Variants in ZNF804B observed in about 807,000 individuals in gnomAD.
ZNF804B encodes zinc finger protein 804B, also known as zinc finger 804B.
A neutral mutation model predicts 101.4 loss-of-function variants in ZNF804B; 80 were observed. That is an observed-to-expected ratio of 0.79 (90% CI 0.66 to 0.95). The LOEUF is 0.95. ZNF804B is among the 40% of genes least tolerant of loss of function. ZNF804B has a pLI of 0.00. For synonymous variants in ZNF804B, 622 were observed against 558.8 expected (o/e 1.11, Z -1.59); for missense variants, 1,673 against 1,561.9 (o/e 1.07, Z -1.20).
At chr7:89,212,571 G>A (rs903090633) in intron 1 of ZNF804B, among the ~76,000 whole-genome samples, 1 of 152,120 alleles carries the variant, frequency 6.6e-6, no homozygotes, top group Non-Finnish European at 1.5e-5. Flanking sequence ...AGGTAAGTAC[G>A]CAGTGAAAGG....
At chr7:89,200,712 C>A (rs1180886566) in intron 1 of ZNF804B, among the ~76,000 whole-genome samples, 4 of 152,016 alleles carry the variant, frequency 2.6e-5, no homozygotes, top group African/African-American at 4.8e-5. Context: ...CTGAGGAAAT[C>A]ATTTATGGTT....
intron 1 of ZNF804B, among the ~76,000 whole-genome samples, chr7:89,163,847 C>T (rs1307094151): frequency 6.6e-6 from 1 of 150,732 alleles, no homozygotes; most frequent in Non-Finnish European, 1.5e-5. Context: ...ATCTATTTTC[C>T]TCTTCTCTCC....
intron 1 of ZNF804B, among the ~76,000 whole-genome samples, chr7:89,083,256 A>G (rs1174957543): frequency 6.6e-6 from 1 of 151,776 alleles, no homozygotes; most frequent in Non-Finnish European, 1.5e-5. Context: ...ACATACCTAC[A>G]CAGTATAATA....
intron 1 of ZNF804B, among the ~76,000 whole-genome samples, chr7:88,954,792 G>C (rs749153876): frequency 1.3e-5 from 2 of 151,678 alleles, no homozygotes; most frequent in Non-Finnish European, 2.9e-5. Flanking sequence ...AAAGGATGGA[G>C]TTTAAATTCT....
chr7:88,956,064 T>C (rs1350469462), intron 1 of ZNF804B, among the ~76,000 whole-genome samples: 2 of 151,596 alleles, frequency 1.3e-5, no homozygotes, highest in Non-Finnish European at 3.0e-5. Flanking sequence ...GAATGGCTAT[T>C]ATCAAAAAGA....
At chr7:89,263,515 C>T (rs1164218390) in intron 2 of ZNF804B, among the ~76,000 whole-genome samples, 1 of 151,624 alleles carries the variant, frequency 6.6e-6, no homozygotes, top group Non-Finnish European at 1.5e-5. Context: ...GTATTCAAGT[C>T]TGCTATGTTG....
At chr7:89,211,992 C>T (rs12704448) in intron 1 of ZNF804B, among the ~76,000 whole-genome samples, 18,076 of 151,996 alleles carry the variant, frequency 0.12, 1,145 homozygotes, top group Middle Eastern at 0.23. Context: ...AATGTTTTTC[C>T]ATTTGTTTGT....
At chr7:88,775,527 A>G (rs953384002) in intron 1 of ZNF804B, among the ~76,000 whole-genome samples, 3 of 152,240 alleles carry the variant, frequency 2.0e-5, no homozygotes, top group African/African-American at 4.8e-5. Context: ...ATGCCAAATG[A>G]GATAGGTAAC....
intron 2 of ZNF804B, among the ~76,000 whole-genome samples, chr7:89,283,295 A>T (rs968924759): frequency 6.6e-6 from 1 of 152,246 alleles, no homozygotes; most frequent in African/African-American, 2.4e-5. Flanking sequence ...ATTGAGAAGC[A>T]TTAAAAAAAG....
chr7:89,020,221 T>A lies in ZNF804B; in HGVS notation c.109-197934T>A, dbSNP rs545588702. Among the ~76,000 whole-genome samples, 3 of 152,290 alleles carry A rather than the reference T, an allele frequency of 2.0e-5. No homozygotes were observed. In the East Asian group the frequency reaches 5.8e-4, roughly 29 times the overall value. The stretch of plus-strand genomic sequence containing the variant: ...TTTGCTTCCAGATGCAGGACTCTCT[T>A]AAGCATTTCTTGTAAGGCCAATCTA... On this transcript the variant is annotated intron_variant, in intron 1 of 3. Coordinates refer to ENST00000333190, the MANE Select transcript of ZNF804B (RefSeq NM_181646.5).
At chr7:88,887,820 G>A (rs762196644) in intron 1 of ZNF804B, among the ~76,000 whole-genome samples, 8 of 150,516 alleles carry the variant, frequency 5.3e-5, no homozygotes, top group African/African-American at 2.0e-4. Context: ...TCATTACTAC[G>A]ATCCTACCCA....
chr7:89,314,652 A>C (rs1326576293), intron 2 of ZNF804B, among the ~76,000 whole-genome samples: 2 of 152,226 alleles, frequency 1.3e-5, no homozygotes, highest in African/African-American at 4.8e-5. Context: ...CAAGGTAGAC[A>C]CTGATAGTTT....
intron 1 of ZNF804B, among the ~76,000 whole-genome samples, chr7:88,796,122 A>C (rs2115698088): frequency 6.6e-6 from 1 of 152,250 alleles, no homozygotes; most frequent in South Asian, 2.1e-4. Flanking sequence ...TGTGATTTTA[A>C]GAGATGCACC....
At chr7:89,076,994 T>C (rs1012105212) in intron 1 of ZNF804B, among the ~76,000 whole-genome samples, 2 of 152,112 alleles carry the variant, frequency 1.3e-5, no homozygotes, top group Middle Eastern at 6.8e-3. Context: ...GTCTAATGGC[T>C]TCAATATTCG....
chr7:88,944,184 C>T (rs1793094046), intron 1 of ZNF804B, among the ~76,000 whole-genome samples: 1 of 151,586 alleles, frequency 6.6e-6, no homozygotes, highest in Non-Finnish European at 1.5e-5. Flanking sequence ...GAGTGTTTTC[C>T]AAAGTGGCTA....
chr7:88,960,475 G>T (rs1367054511), intron 1 of ZNF804B, among the ~76,000 whole-genome samples: 1 of 151,230 alleles, frequency 6.6e-6, no homozygotes, highest in Non-Finnish European at 1.5e-5. Flanking sequence ...AGATATTTGG[G>T]CATGAGAGGG....
At chr7:88,823,164 C>T (rs1234245476) in intron 1 of ZNF804B, among the ~76,000 whole-genome samples, 1 of 152,060 alleles carries the variant, frequency 6.6e-6, no homozygotes, top group Non-Finnish European at 1.5e-5. Context: ...GAGCCAAGAT[C>T]GCATCACTGC....
intron 2 of ZNF804B, among the ~76,000 whole-genome samples, chr7:89,285,548 AGAAGAAGAAG>A (rs1276498997): frequency 2.3e-5 from 2 of 88,370 alleles, no homozygotes; most frequent in African/African-American, 1.1e-4. Flanking sequence ...AAAAAAAAAA[AGAAGAAGAAG>A]AAGAAGAAGA....
rs150143863 is a variant in ZNF804B, at chr7:89,050,716, G to A, written c.109-167439G>A. 3.2e-4 allele frequency among the ~76,000 whole-genome samples: 49 copies of A among 152,130 alleles called. 1 individual carries two copies. The East Asian group carries it at 8.7e-3, about 27-fold the overall frequency. Reference sequence around the variant, plus strand: ...AATAGGAAATTTTCTTCCTCTTTCTGCTTTTTCAAAACAGTTCATTTTCAT... The same window carrying A: ...AATAGGAAATTTTCTTCCTCTTTCTACTTTTTCAAAACAGTTCATTTTCAT... On this transcript the variant is annotated intron_variant, in intron 1 of 3. Coordinates refer to ENST00000333190, the MANE Select transcript of ZNF804B (RefSeq NM_181646.5).
Sources: allele counts gnomAD v4.1 joint callset (sites outside exome capture counted in the v4.1 genomes callset), GRCh38; gene constraint gnomAD v4.1.1; transcripts MANE v1.5; gene names NCBI Gene and HGNC (gene_info 2026-07-23, HGNC 2026-07-21).